AGA: variants seen among roughly 807,000 people sequenced by gnomAD.
AGA encodes aspartylglucosaminidase.
A neutral mutation model predicts 40.1 loss-of-function variants in AGA; 31 were observed. The observed-to-expected ratio is 0.77, with a 90% CI of 0.58 to 1.04. The LOEUF (loss-of-function observed/expected upper bound fraction) is 1.04. Among genes scored for constraint, AGA ranks in the 50% least tolerant of loss-of-function variants. The pLI, the probability that AGA is intolerant of heterozygous loss-of-function variation, is 0.00. For synonymous variants in AGA, 148 were observed against 144.0 expected (o/e 1.03, Z -0.20); for missense variants, 445 against 435.4 (o/e 1.02, Z -0.20).
intron 4 of AGA, among the ~76,000 whole-genome samples, 163 bp from the exon 5 acceptor site, chr4:177,437,682 CAAAT>C (rs1283522368): frequency 1.3e-5 from 2 of 151,994 alleles, no homozygotes; most frequent in African/African-American, 2.4e-5. Flanking sequence ...TATATAAAAA[CAAAT>C]AAGATAAATA....
intron 1 of AGA, among the ~76,000 whole-genome samples, chr4:177,441,561 C>G (rs114490587): frequency 0.01 from 1,577 of 152,282 alleles, 38 homozygotes; most frequent in African/African-American, 0.035. Context: ...TCAGGGAACG[C>G]TTCCTGGAAG....
In AGA at chr4:177,434,478, T is replaced by C. The variant is rs1295588617; in HGVS notation, c.710A>G (p.Asp237Gly). 3.7e-6 allele frequency: 6 copies of C among 1,613,838 alleles called. No individual in the cohort carries two copies. The highest frequency in any genetic ancestry group is 1.3e-5 in the African/African-American group (1 of 74,856). Residue 237 changes from aspartate to glycine, a missense_variant, in exon 7 of 9, where the codon GAC becomes GGC. Asp to Gly is a moderately conservative substitution (Grantham distance 94, BLOSUM62 -1). Transcript: ENST00000264595. ...GGCTCCAGCTCCAGGTATTGGTGAG[T>C]CTCCTACACGGCTTTGAGAGGGTAT... is the stretch of plus-strand genomic sequence containing the variant. ...IKFKIHGRVG[D>G]SPIPGAGAYA... is the part of the protein sequence containing the mutation.
intron 4 of AGA, among the ~76,000 whole-genome samples, chr4:177,438,158 C>T (rs571382257): frequency 1.3e-5 from 2 of 152,246 alleles, no homozygotes; most frequent in African/African-American, 4.8e-5. Context: ...TGATTAGCCT[C>T]TTTCAAGTGC....
intron 3 of AGA, 79 bp downstream of exon 3, chr4:177,439,497 A>G: frequency 9.6e-7 from 1 of 1,045,648 alleles, no homozygotes; most frequent in Admixed American, 1.7e-5. Flanking sequence ...ATCTGGTTTT[A>G]TCCATGATTT....
chr4:177,434,852 T>C (rs993361361), intron 6 of AGA, among the ~76,000 whole-genome samples: 1 of 151,792 alleles, frequency 6.6e-6, no homozygotes, highest in African/African-American at 2.4e-5. Context: ...CTGCGGATCA[T>C]GCTGACTAAG....
intron 2 of AGA, 196 bp downstream of exon 2, chr4:177,440,077 C>G (rs550513400): frequency 3.1e-6 from 2 of 650,556 alleles, no homozygotes; most frequent in African/African-American, 1.8e-5. Flanking sequence ...GACTACCTAT[C>G]TCTCCATGTG....
intron 2 of AGA, 55 bp downstream of exon 2, chr4:177,440,218 C>T: frequency 6.2e-7 from 1 of 1,602,774 alleles, no homozygotes; most frequent in Non-Finnish European, 8.5e-7. Flanking sequence ...TCTCAGAAGA[C>T]CACAACTCTA....
intron 8 of AGA, 90 bp from the exon 9 acceptor site, chr4:177,431,898 G>A (rs1736647313): frequency 9.7e-7 from 1 of 1,026,116 alleles, no homozygotes; most frequent in Non-Finnish European, 1.5e-6. Flanking sequence ...ACTAGACACT[G>A]GCTACTGTAT....
chr4:177,433,431 C>T (rs1436698483), intron 7 of AGA, 84 bp from the exon 8 acceptor site: 11 of 1,536,078 alleles, frequency 7.2e-6, no homozygotes, highest in African/African-American at 1.4e-5. Context: ...AAATTAAAAC[C>T]ACCAAAATTG....
At chr4:177,439,782 G>T in intron 2 of AGA, 94 bp from the exon 3 acceptor site, 3 of 933,952 alleles carry the variant, frequency 3.2e-6, no homozygotes, top group Non-Finnish European at 3.5e-6. Flanking sequence ...GTGTTTTGCG[G>T]TTAAACTCCA....
At chr4:177,437,926 A>G (rs1736877827) in intron 4 of AGA, among the ~76,000 whole-genome samples, 1 of 152,196 alleles carries the variant, frequency 6.6e-6, no homozygotes, top group Non-Finnish European at 1.5e-5. Flanking sequence ...TTAAAGTAAA[A>G]TATGTTTTAA....
intron 7 of AGA, among the ~76,000 whole-genome samples, chr4:177,434,108 C>T (rs1020000026): frequency 6.6e-6 from 1 of 152,038 alleles, no homozygotes; most frequent in African/African-American, 2.4e-5. Context: ...ATTCTCCTAC[C>T]ACAGCCTCCC....
Position 177,440,416 on chromosome 4 carries a change from T to C in AGA, c.138A>G (p.Ala46=). 1.2e-6 allele frequency: 2 copies of C among 1,614,000 alleles called. No homozygotes were observed. Among genetic ancestry groups the C allele is most frequent in the Non-Finnish European group, 1.7e-6 (2 of 1,180,032 alleles). The change falls in exon 2 of 9, where the codon GCA becomes GCG. Residue 46 remains alanine, a synonymous_variant. Transcript: ENST00000264595. ...CCAGGGCAGAGCCTCCAGATGCTAA[T>C]GCCCTCCACGCTGTTAATCAAATCC... is the stretch of plus-strand genomic sequence containing the variant. ...FKNATEAAWR[A]LASGGSALDA... is the part of the protein sequence containing the mutation.
chr4:177,439,734 G>A (rs771435261), intron 2 of AGA, 46 bp from the exon 3 acceptor site: 1 of 1,375,036 alleles, frequency 7.3e-7, no homozygotes, highest in Non-Finnish European at 1.0e-6. Flanking sequence ...GTTTTCAGAG[G>A]TTCATAGATT....
intron 1 of AGA, 79 bp downstream of exon 1, chr4:177,442,170 G>T: frequency 5.0e-6 from 8 of 1,587,744 alleles, no homozygotes; most frequent in South Asian, 1.1e-5. Flanking sequence ...CCTGCCGGGT[G>T]ACTGCAGCGG....
At chr4:177,435,723 T>C (rs1456848154) in intron 6 of AGA, among the ~76,000 whole-genome samples, 6 of 151,786 alleles carry the variant, frequency 4.0e-5, no homozygotes, top group African/African-American at 1.5e-4. Flanking sequence ...ACACCCCTTC[T>C]TCCCTAGCCA....
intron 8 of AGA, among the ~76,000 whole-genome samples, chr4:177,432,627 G>A (rs762957011): frequency 6.6e-6 from 1 of 152,172 alleles, no homozygotes; most frequent in Non-Finnish European, 1.5e-5. Flanking sequence ...AGTAAGCTGT[G>A]TATCTTCCCC....
In AGA at chr4:177,438,650, C is replaced by CAGTA; in HGVS notation, c.507+91_507+94dup. The CAGTA allele has an allele frequency of 7.1e-6, 6 of 844,412 alleles. No homozygotes were observed. In the South Asian group the frequency reaches 8.6e-5, roughly 12 times the overall value. The allele number at this position is 844,412 out of a possible 1,614,324, so 52.3% of individuals were successfully genotyped here. A position where few individuals can be genotyped will look rare whatever the true frequency, so the allele number is the denominator to read the frequency against. Reference sequence around the variant, plus strand: ...TCTAATGTACAGCCAGGATGCTAACCAGTACCCTGGACAACAGGCAGGCAA... The same window carrying CAGTA: ...TCTAATGTACAGCCAGGATGCTAACCAGTAAGTACCCTGGACAACAGGCAGGCAA... On this transcript the variant is annotated intron_variant, in intron 4 of 8. Transcript: ENST00000264595.
At position 177,442,385 on chromosome 4, in the gene AGA, C is replaced by T. The variant is rs762488104; in HGVS notation, c.-10G>A. On this transcript the variant is annotated 5_prime_UTR_variant, in exon 1 of 9. In the 5' UTR this introduces an upstream ATG that the reference lacks. Coordinates refer to ENST00000264595, the MANE Select transcript of AGA (RefSeq NM_000027.4). ...TCGACTTCCGCGCCATCCCTGACCA[C>T]CGAAGAGACCAGCGCGAGAAAAGTC... 6.2e-6 allele frequency: 10 copies of T among 1,613,886 alleles called. No individual in the cohort carries two copies. In the South Asian group the frequency reaches 9.9e-5, roughly 16 times the overall value.
Sources: gnomAD v4.1 joint callset for allele counts (sites outside exome capture counted in the v4.1 genomes callset) on GRCh38, gnomAD v4.1.1 for gene constraint, MANE v1.5 for transcripts, NCBI Gene and HGNC (gene_info 2026-07-23, HGNC 2026-07-21) for gene names.